PTPRZ1: variants seen among roughly 807,000 people sequenced by gnomAD.
PTPRZ1 encodes the protein receptor-type tyrosine-protein phosphatase zeta.
In PTPRZ1, 82 loss-of-function variants were observed where a neutral mutation model predicts 214.1. The ratio of observed to expected loss-of-function variants is 0.38; its 90% CI spans 0.32 to 0.46. The LOEUF (loss-of-function observed/expected upper bound fraction) is 0.46. Ranked by LOEUF, PTPRZ1 falls within the 20% of genes least tolerant of loss-of-function variation. The pLI is 1.00. For synonymous variants in PTPRZ1, 945 were observed against 987.9 expected, an observed-to-expected ratio of 0.96 and a Z score of 0.81; for missense variants, 2,603 against 2,748.7, an observed-to-expected ratio of 0.95 and a Z score of 1.19.
chr7:121,988,300 C>A (rs1310773549), intron 8 of PTPRZ1, among the ~76,000 whole-genome samples: 1 of 151,916 alleles, frequency 6.6e-6, no homozygotes, highest in Non-Finnish European at 1.5e-5. Context: ...CTAATATGCA[C>A]ATTTATGATT....
intron 2 of PTPRZ1, among the ~76,000 whole-genome samples, chr7:121,933,364 T>A (rs1374016346): frequency 1.3e-5 from 2 of 152,068 alleles, no homozygotes; most frequent in Non-Finnish European, 2.9e-5. Flanking sequence ...TAATCTTTAT[T>A]TTCTGGACTT....
At chr7:121,952,652 G>T (rs1269917221) in intron 2 of PTPRZ1, among the ~76,000 whole-genome samples, 1 of 152,118 alleles carries the variant, frequency 6.6e-6, no homozygotes, top group Non-Finnish European at 1.5e-5. Context: ...AATATAGTTG[G>T]CTTTCATAAT....
intron 27 of PTPRZ1, among the ~76,000 whole-genome samples, chr7:122,057,215 A>G (rs985393660): frequency 6.6e-6 from 1 of 151,836 alleles, no homozygotes; most frequent in Admixed American, 6.6e-5. Context: ...TTGTTTTCCA[A>G]AGTCATCCTA....
chr7:122,051,670 C>A, intron 24 of PTPRZ1, 149 bp downstream of exon 24: 2 of 840,470 alleles, frequency 2.4e-6, no homozygotes, highest in South Asian at 1.7e-5. Flanking sequence ...CCAAAGGACT[C>A]ATAAATCCTT....
chr7:121,958,875 G>C (rs548264313), intron 2 of PTPRZ1, among the ~76,000 whole-genome samples: 1 of 152,246 alleles, frequency 6.6e-6, no homozygotes, highest in Non-Finnish European at 1.5e-5. Context: ...CCAGGCTGGA[G>C]TGCAGTGGCA....
chr7:121,909,495 T>C (rs1291281088), intron 1 of PTPRZ1, among the ~76,000 whole-genome samples: 1 of 152,146 alleles, frequency 6.6e-6, no homozygotes, highest in African/African-American at 2.4e-5. Context: ...AATCTAGAAG[T>C]GTTTTACAGA....
chr7:122,054,628 G>A (rs1792294159), intron 26 of PTPRZ1, among the ~76,000 whole-genome samples: 1 of 151,952 alleles, frequency 6.6e-6, no homozygotes, highest in Non-Finnish European at 1.5e-5. Flanking sequence ...ACATGAGGCT[G>A]GAAATTTCTG....
At chr7:121,901,109 A>T (rs1318672361) in intron 1 of PTPRZ1, among the ~76,000 whole-genome samples, 1 of 152,160 alleles carries the variant, frequency 6.6e-6, no homozygotes, top group Non-Finnish European at 1.5e-5. Flanking sequence ...TCTGTTTCTG[A>T]TATTTAACAC....
At chr7:121,934,863 C>A (rs578035402) in intron 2 of PTPRZ1, among the ~76,000 whole-genome samples, 1 of 152,068 alleles carries the variant, frequency 6.6e-6, no homozygotes, top group African/African-American at 2.4e-5. Flanking sequence ...AAGCAAGCCT[C>A]GTTGTGGAGG....
At chr7:121,992,141 C>A (rs1406150159) in intron 8 of PTPRZ1, among the ~76,000 whole-genome samples, 1 of 152,162 alleles carries the variant, frequency 6.6e-6, no homozygotes, top group East Asian at 1.9e-4. Context: ...TTCTCTGCCA[C>A]TCCCTAAGAA....
intron 1 of PTPRZ1, chr7:121,908,359 CTTTGGAAA>C: frequency 4.3e-6 from 1 of 230,656 alleles, no homozygotes; most frequent in Non-Finnish European, 8.7e-6. Flanking sequence ...AGATCAATCC[CTTTGGAAA>C]AGAATATCAA....
Position 121,873,449 on chromosome 7 carries a change from A to T in PTPRZ1, c.-51A>T, listed in dbSNP as rs763093562. On this transcript the variant is annotated 5_prime_UTR_variant, in exon 1 of 30. Transcript: ENST00000393386. ...TTTCCTTCGCTCCCCCTCCCTCTCCACTCTGAGAAGCAGAGGAGCCGCACG... is the reference window on the plus strand; with the variant it reads ...TTTCCTTCGCTCCCCCTCCCTCTCCTCTCTGAGAAGCAGAGGAGCCGCACG... 6.3e-7 allele frequency: 1 copy of T among 1,589,194 alleles called. No individual in the cohort carries two copies. Among genetic ancestry groups the T allele is most frequent in the East Asian group, 2.2e-5 (1 of 44,682 alleles).
At position 122,011,920 on chromosome 7, in the gene PTPRZ1, T is replaced by TC; in HGVS notation, c.2875dup (p.Gln959ProfsTer6). 2 of 1,614,230 alleles carry TC rather than the reference T, an allele frequency of 1.2e-6. No homozygotes were observed. Among genetic ancestry groups the TC allele is most frequent in the Non-Finnish European group, 1.7e-6 (2 of 1,180,028 alleles). On this transcript the variant is annotated frameshift_variant, in exon 12 of 30. Transcript: ENST00000393386. LOFTEE classifies it high-confidence loss of function. Reference sequence around the variant, plus strand: ...TGCATGATTCTGTGGGTGTAACTTATCAGGGTTCCTTATTTAGCGGCCCTA... The same window carrying TC: ...TGCATGATTCTGTGGGTGTAACTTATCCAGGGTTCCTTATTTAGCGGCCCTA...
chr7:121,993,274 G>A (rs147801985), intron 8 of PTPRZ1, among the ~76,000 whole-genome samples: 48 of 151,974 alleles, frequency 3.2e-4, no homozygotes, highest in African/African-American at 1.2e-3. Flanking sequence ...TGGGCTGGCC[G>A]GGTGCGGTGA....
intron 27 of PTPRZ1, among the ~76,000 whole-genome samples, chr7:122,055,499 G>A (rs118189272): frequency 0.014 from 2,055 of 151,810 alleles, 18 homozygotes; most frequent in Middle Eastern, 0.027. Context: ...ACTACCTACC[G>A]AAACTTACTA....
At chr7:121,987,776 A>C (rs1797802682) in intron 8 of PTPRZ1, among the ~76,000 whole-genome samples, 1 of 152,164 alleles carries the variant, frequency 6.6e-6, no homozygotes, top group Non-Finnish European at 1.5e-5. Context: ...TATGGAATCA[A>C]CCCATGTGCT....
At chr7:122,044,274 TC>T (rs1318551390) in intron 22 of PTPRZ1, 147 bp from the exon 23 acceptor site, 8 of 829,012 alleles carry the variant, frequency 9.7e-6, no homozygotes, top group Non-Finnish European at 7.6e-6. Context: ...CTGTCTGACT[TC>T]CTTCCAGGTT....
At chr7:121,918,046 A>T (rs1795476963) in intron 1 of PTPRZ1, among the ~76,000 whole-genome samples, 1 of 147,050 alleles carries the variant, frequency 6.8e-6, no homozygotes, top group Admixed American at 6.9e-5. Context: ...TAGACCGGCT[A>T]AAAAAAAAAA....
intron 29 of PTPRZ1, 93 bp from the exon 30 acceptor site, chr7:122,060,986 AG>A (rs930209089): frequency 2.5e-5 from 30 of 1,223,054 alleles, no homozygotes; most frequent in Non-Finnish European, 3.1e-5. Flanking sequence ...TTTCATGAAC[AG>A]TGCTGAAGTG....
Sources: allele counts gnomAD v4.1 joint callset (sites outside exome capture counted in the v4.1 genomes callset), GRCh38; gene constraint gnomAD v4.1.1; transcripts MANE v1.5; gene names NCBI Gene and HGNC (gene_info 2026-07-23, HGNC 2026-07-21).